Variants in VRK1 observed in about 807,000 individuals in gnomAD.
VRK1 encodes VRK serine/threonine kinase 1.
VRK1 carries 33 observed loss-of-function variants against 57.1 expected under a neutral mutation model. The ratio of observed to expected loss-of-function variants is 0.58; its 90% CI spans 0.44 to 0.77. VRK1 has a LOEUF of 0.77. Ranked by LOEUF, VRK1 falls within the 30% of genes least tolerant of loss-of-function variation. The pLI is 0.00. For missense variants in VRK1, 413 were observed against 477.3 expected (o/e 0.87, Z 1.25); for synonymous variants, 137 against 147.8 (o/e 0.93, Z 0.53).
intron 11 of VRK1, among the ~76,000 whole-genome samples, chr14:96,869,390 T>C (rs2139833360): frequency 6.6e-6 from 1 of 152,350 alleles, no homozygotes; most frequent in East Asian, 1.9e-4. Context: ...ATCTTAGATC[T>C]TTAAAAGTTC....
chr14:96,855,398 T>G, intron 8 of VRK1, 42 bp downstream of exon 8: 1 of 1,613,528 alleles, frequency 6.2e-7, no homozygotes, highest in Non-Finnish European at 8.5e-7. Context: ...CTGCTAATGT[T>G]TTCACCCAGA....
chr14:96,855,069 T>C (rs1310496917), intron 7 of VRK1, among the ~76,000 whole-genome samples, 155 bp from the exon 8 acceptor site: 1 of 152,178 alleles, frequency 6.6e-6, no homozygotes. Flanking sequence ...GTATTTGCTG[T>C]TGTTTGCATT....
At chr14:96,862,047 A>G (rs1175942771) in intron 11 of VRK1, among the ~76,000 whole-genome samples, 1 of 152,212 alleles carries the variant, frequency 6.6e-6, no homozygotes, top group African/African-American at 2.4e-5. Context: ...CTGCTATGTG[A>G]GAACTTGTCC....
At chr14:96,798,903 A>G (rs1237880078) in intron 1 of VRK1, among the ~76,000 whole-genome samples, 1 of 152,236 alleles carries the variant, frequency 6.6e-6, no homozygotes, top group East Asian at 1.9e-4. Context: ...TCACTTAATA[A>G]TAGCTTTCTC....
chr14:96,826,213 CAG>C (rs1259067815), intron 1 of VRK1, among the ~76,000 whole-genome samples: 3 of 152,098 alleles, frequency 2.0e-5, no homozygotes, highest in East Asian at 1.9e-4. Context: ...ATCTGAAAAA[CAG>C]AGGACCATTT....
At chr14:96,845,802 A>G (rs1377140769) in intron 3 of VRK1, among the ~76,000 whole-genome samples, 1 of 152,194 alleles carries the variant, frequency 6.6e-6, no homozygotes, top group African/African-American at 2.4e-5. Flanking sequence ...AAGCTTAATA[A>G]AGATGAAAAT....
chr14:96,841,765 G>T (rs1490244296), intron 3 of VRK1, among the ~76,000 whole-genome samples: 1 of 151,696 alleles, frequency 6.6e-6, no homozygotes, highest in Non-Finnish European at 1.5e-5. Context: ...AAACTGGGAG[G>T]CAGAGGTTGC....
chr14:96,819,284 C>G lies in VRK1; in HGVS notation c.-5-14183C>G, dbSNP rs139351430. Reference sequence around the variant, plus strand: ...ACTCATGAATTTATTTTTTACCCAACTTCTAAAATGAACTGGAAAGGTCTT... The same window carrying G: ...ACTCATGAATTTATTTTTTACCCAAGTTCTAAAATGAACTGGAAAGGTCTT... On this transcript the variant is annotated intron_variant, in intron 1 of 12. Transcript: ENST00000216639. Among the ~76,000 whole-genome samples, 199 of 152,272 alleles carry G rather than the reference C, an allele frequency of 1.3e-3. 2 individuals are homozygous for G. Among genetic ancestry groups the G allele is most frequent in the African/African-American group, 4.6e-3 (192 of 41,556 alleles).
intron 1 of VRK1, among the ~76,000 whole-genome samples, chr14:96,805,824 A>G (rs994548256): frequency 2.0e-5 from 3 of 152,228 alleles, no homozygotes; most frequent in Non-Finnish European, 4.4e-5. Context: ...TTCATGCAAC[A>G]TCTCACATGT....
At chr14:96,842,290 T>C (rs1039883282) in intron 3 of VRK1, among the ~76,000 whole-genome samples, 2 of 152,224 alleles carry the variant, frequency 1.3e-5, no homozygotes, top group Non-Finnish European at 2.9e-5. Flanking sequence ...CTTACAACTT[T>C]CTAATATTAA....
rs76726066 is a variant in VRK1, at chr14:96,865,683, C to T, written c.1068+4948C>T. ...TAGATGTTCTTCCATTTATCTCAGTCGTGTTTGTAGTCTTCTGTGTCTGTA... is the reference window on the plus strand; with the variant it reads ...TAGATGTTCTTCCATTTATCTCAGTTGTGTTTGTAGTCTTCTGTGTCTGTA... On this transcript the variant is annotated intron_variant, in intron 11 of 12. Transcript: ENST00000216639. Among the ~76,000 whole-genome samples, 877 of 151,998 alleles carry T rather than the reference C, an allele frequency of 5.8e-3. 13 individuals are homozygous for T. The highest frequency in any genetic ancestry group is 0.019 in the African/African-American group (799 of 41,492).
intron 11 of VRK1, among the ~76,000 whole-genome samples, chr14:96,866,052 A>G (rs1595684828): frequency 1.3e-5 from 2 of 151,956 alleles, no homozygotes; most frequent in South Asian, 2.1e-4. Context: ...GTCTTCAGCT[A>G]TCTTTTGGAT....
At chr14:96,832,651 T>C (rs996728730) in intron 1 of VRK1, among the ~76,000 whole-genome samples, 2 of 152,230 alleles carry the variant, frequency 1.3e-5, no homozygotes, top group Non-Finnish European at 2.9e-5. Context: ...TTTCTCTGAA[T>C]GTTATGTTAA....
At chr14:96,870,002 A>G (rs1888753737) in intron 11 of VRK1, among the ~76,000 whole-genome samples, 2 of 152,164 alleles carry the variant, frequency 1.3e-5, no homozygotes, top group South Asian at 4.1e-4. Flanking sequence ...AGTTTATAGT[A>G]TTATATTAAA....
At chr14:96,803,187 T>A (rs553569559) in intron 1 of VRK1, among the ~76,000 whole-genome samples, 377 of 144,910 alleles carry the variant, frequency 2.6e-3, no homozygotes, top group Middle Eastern at 0.014. Context: ...TTTTTTTTTT[T>A]TGAGGCAGGT....
intron 1 of VRK1, among the ~76,000 whole-genome samples, chr14:96,813,580 T>TTACATCAGTAAA (rs1291230893): frequency 4.6e-5 from 7 of 152,332 alleles, no homozygotes; most frequent in Non-Finnish European, 1.0e-4. Flanking sequence ...AGTGATTTAT[T>TTACATCAGTAAA]TCATTACTAC....
chr14:96,835,848 C>T (rs1595662211), intron 2 of VRK1, among the ~76,000 whole-genome samples: 1 of 152,196 alleles, frequency 6.6e-6, no homozygotes, highest in East Asian at 1.9e-4. Context: ...CTGACTGTAG[C>T]ACTGAATCTT....
chr14:96,827,045 C>T (rs996082501), intron 1 of VRK1, among the ~76,000 whole-genome samples: 5 of 151,834 alleles, frequency 3.3e-5, no homozygotes, highest in Admixed American at 1.3e-4. Flanking sequence ...AGGGGCACAC[C>T]CTGAGAGGCA....
chr14:96,798,070 A>G (rs956191556), intron 1 of VRK1, among the ~76,000 whole-genome samples: 9 of 152,112 alleles, frequency 5.9e-5, no homozygotes, highest in Non-Finnish European at 1.2e-4. Flanking sequence ...GGGGACCGCG[A>G]GGCCGCCCGT....
Sources: allele counts gnomAD v4.1 joint callset (sites outside exome capture counted in the v4.1 genomes callset), GRCh38; gene constraint gnomAD v4.1.1; transcripts MANE v1.5; gene names NCBI Gene and HGNC (gene_info 2026-07-23, HGNC 2026-07-21).